The following CCDC93 variants were observed in gnomAD, a reference collection of about 807,000 sequenced individuals.
CCDC93 encodes the protein CCC complex scaffolding subunit CCDC93, also known as coiled-coil domain-containing protein 93.
Under a neutral mutation model 108.2 loss-of-function variants are expected in CCDC93, and 61 were observed. That is an observed-to-expected ratio of 0.56 (90% CI 0.46 to 0.70). The LOEUF (loss-of-function observed/expected upper bound fraction) is 0.70. CCDC93 is among the 30% of genes least tolerant of loss of function. The pLI is 0.00. For missense variants in CCDC93, 685 were observed against 764.2 expected (o/e 0.90, Z 1.22); for synonymous variants, 276 against 260.4 (o/e 1.06, Z -0.58).
At chr2:117,920,912 A>C (rs948841013) in intron 23 of CCDC93, among the ~76,000 whole-genome samples, 1 of 152,208 alleles carries the variant, frequency 6.6e-6, no homozygotes, top group Non-Finnish European at 1.5e-5. Context: ...GGCCGGGCGC[A>C]GTGGCTCATG....
intron 9 of CCDC93, 112 bp downstream of exon 9, chr2:117,975,076 C>T: frequency 1.9e-6 from 2 of 1,076,496 alleles, no homozygotes; most frequent in Admixed American, 3.7e-5. Flanking sequence ...GACCTGCTCA[C>T]AGCAGCTGGC....
intron 23 of CCDC93, among the ~76,000 whole-genome samples, chr2:117,922,271 C>T (rs13020654): frequency 0.061 from 9,331 of 152,200 alleles, 314 homozygotes; most frequent in Middle Eastern, 0.15. Context: ...GCAATGTCAC[C>T]TAGTATGTGA....
chr2:117,984,540 A>G (rs1680254488), intron 7 of CCDC93, among the ~76,000 whole-genome samples: 1 of 152,218 alleles, frequency 6.6e-6, no homozygotes, highest in African/African-American at 2.4e-5. Context: ...GAATTTCAGA[A>G]CAAGAATACT....
At chr2:118,008,814 G>A in intron 1 of CCDC93, 156 bp from the exon 2 acceptor site, 4 of 602,226 alleles carry the variant, frequency 6.6e-6, no homozygotes, top group Non-Finnish European at 1.2e-5. Flanking sequence ...GTGTCACACA[G>A]AAGTATGTGG....
rs370801071 is a variant in CCDC93 at position 117,920,355 on chromosome 2, C to T, written c.1884G>A (p.Ala628=). 262 of 1,612,930 alleles carry T rather than the reference C, an allele frequency of 1.6e-4. No individual in the cohort carries two copies. The highest frequency in any genetic ancestry group is 2.0e-4 in the African/African-American group (15 of 75,040). ...KNEMLLSKVK[A]KAS ...CGGCTGGGGATGTTCAGGAGGCCTT[C>T]GCTTTCACCTTGGACAGCAGCATCT... is the stretch of plus-strand genomic sequence containing the variant. The change falls in exon 24 of 24, where the codon GCG becomes GCA. Residue 628 remains alanine, a synonymous_variant. Transcript: ENST00000376300.
Position 117,958,284 on chromosome 2 carries a change from A to G in CCDC93, c.1005+81T>C. On this transcript the variant is annotated intron_variant, in intron 12 of 23. Transcript: ENST00000376300. ...ACTGGACTGGCCCAAGCACCACAGTATGCCAACCCCCGTTCTGGAATCTCC... is the reference window on the plus strand; with the variant it reads ...ACTGGACTGGCCCAAGCACCACAGTGTGCCAACCCCCGTTCTGGAATCTCC... 3.4e-6 allele frequency: 3 copies of G among 887,194 alleles called. No individual in the cohort carries two copies. In the South Asian group the frequency reaches 4.2e-5, roughly 12 times the overall value. The allele number at this position is 887,194 out of a possible 1,614,324, so 55.0% of individuals were successfully genotyped here.
intron 8 of CCDC93, among the ~76,000 whole-genome samples, chr2:117,977,160 G>A (rs751942581): frequency 2.0e-5 from 3 of 151,982 alleles, no homozygotes; most frequent in South Asian, 4.1e-4. Context: ...GGACGGTCTC[G>A]ATCTCCTGAC....
chr2:117,948,229 T>C, intron 14 of CCDC93, 43 bp from the exon 15 acceptor site: 1 of 1,445,474 alleles, frequency 6.9e-7, no homozygotes, highest in Non-Finnish European at 9.6e-7. Context: ...CAGGCCATTA[T>C]GATTTTATGA....
intron 12 of CCDC93, among the ~76,000 whole-genome samples, chr2:117,958,133 GT>G (rs1262304270): frequency 6.6e-6 from 1 of 152,192 alleles, no homozygotes; most frequent in Non-Finnish European, 1.5e-5. Flanking sequence ...TTTAGGCTTT[GT>G]AGGTCTTATG....
rs750797171 is a variant in CCDC93 at position 118,014,013 on chromosome 2, G to T, written c.-18C>A. On this transcript the variant is annotated 5_prime_UTR_variant, in exon 1 of 24. Coordinates refer to ENST00000376300, the MANE Select transcript of CCDC93 (RefSeq NM_019044.5). ...AACCCCATGATCCGACCGGGCTGTC[G>T]TAAGGCGAGAGCGAAGCCCGCCAAG... 3 of 1,593,642 alleles carry T rather than the reference G, an allele frequency of 1.9e-6. No homozygotes were observed. The African/African-American group carries it at 4.0e-5, about 21-fold the overall frequency.
At chr2:117,967,242 C>T (rs1679615292) in intron 11 of CCDC93, among the ~76,000 whole-genome samples, 1 of 152,354 alleles carries the variant, frequency 6.6e-6, no homozygotes, top group South Asian at 2.1e-4. Flanking sequence ...ATCTGCCTGC[C>T]TCAGCCTTCC....
At chr2:117,936,803 C>CTGCT in intron 20 of CCDC93, 64 bp from the exon 21 acceptor site, 1 of 1,259,216 alleles carries the variant, frequency 7.9e-7, no homozygotes, top group Non-Finnish European at 1.2e-6. Context: ...ACTACTGCAA[C>CTGCT]TGCTGCAAGC....
At chr2:117,944,289 T>A (rs1004450347) in intron 17 of CCDC93, among the ~76,000 whole-genome samples, 1 of 152,220 alleles carries the variant, frequency 6.6e-6, no homozygotes, top group African/African-American at 2.4e-5. Flanking sequence ...ATAACAACTC[T>A]TCCTTCTGGG....
chr2:117,935,247 A>G (rs1000850018), intron 22 of CCDC93, among the ~76,000 whole-genome samples: 1 of 152,190 alleles, frequency 6.6e-6, no homozygotes, highest in Admixed American at 6.5e-5. Context: ...TGCTTGGTAC[A>G]CAATAGGTGT....
At chr2:118,009,881 A>C (rs1371775861) in intron 1 of CCDC93, among the ~76,000 whole-genome samples, 1 of 152,096 alleles carries the variant, frequency 6.6e-6, no homozygotes, top group Non-Finnish European at 1.5e-5. Context: ...AAATTCATCT[A>C]ATATATGTAT....
At chr2:117,946,505 G>A (rs113935302) in intron 16 of CCDC93, among the ~76,000 whole-genome samples, 7 of 152,184 alleles carry the variant, frequency 4.6e-5, no homozygotes, top group Admixed American at 2.0e-4. Flanking sequence ...TTTAAGGAAC[G>A]GGTGAGCAGG....
At chr2:117,993,462 T>C (rs1339540207) in intron 6 of CCDC93, among the ~76,000 whole-genome samples, 2 of 150,508 alleles carry the variant, frequency 1.3e-5, no homozygotes, top group African/African-American at 4.9e-5. Flanking sequence ...AAAAACACCT[T>C]AATGTGTACT....
At chr2:117,987,789 A>G (rs1238334103) in intron 6 of CCDC93, among the ~76,000 whole-genome samples, 1 of 152,232 alleles carries the variant, frequency 6.6e-6, no homozygotes, top group Non-Finnish European at 1.5e-5. Context: ...TTAAAAAGGA[A>G]TATAAAATCA....
intron 7 of CCDC93, among the ~76,000 whole-genome samples, chr2:117,980,168 G>A (rs1374329378): frequency 1.3e-5 from 2 of 152,172 alleles, no homozygotes; most frequent in East Asian, 3.8e-4. Flanking sequence ...GTATCCTGGA[G>A]CTCCAGTTCT....
Sources: gnomAD v4.1 joint callset for allele counts (sites outside exome capture counted in the v4.1 genomes callset) on GRCh38, gnomAD v4.1.1 for gene constraint, MANE v1.5 for transcripts, NCBI Gene and HGNC (gene_info 2026-07-23, HGNC 2026-07-21) for gene names.